The following PRKD1 variants were observed in gnomAD, a reference collection of about 807,000 sequenced individuals.
The protein encoded by PRKD1 is protein kinase D1.
In PRKD1, 63 loss-of-function variants were observed where a neutral mutation model predicts 95.9. The observed-to-expected ratio is 0.66, with a 90% CI of 0.54 to 0.81. The LOEUF (loss-of-function observed/expected upper bound fraction) is 0.81, where lower values mean the gene tolerates loss of function less well. PRKD1 is among the 30% of genes least tolerant of loss of function. The probability of loss-of-function intolerance (pLI) is 0.00; values close to 1 mark genes in which losing one functional copy is unlikely to be tolerated. For synonymous variants in PRKD1, 425 were observed against 423.1 expected, an observed-to-expected ratio of 1.00 and a Z score of -0.05; for missense variants, 1,048 against 1,165.3, an observed-to-expected ratio of 0.90 and a Z score of 1.47.
intron 1 of PRKD1, among the ~76,000 whole-genome samples, chr14:29,835,564 T>C (rs1891581166): frequency 1.3e-5 from 2 of 152,070 alleles, no homozygotes; most frequent in African/African-American, 4.8e-5. Flanking sequence ...ACTCTTTTCT[T>C]TATTTATTTA....
At chr14:29,701,155 T>C (rs2139326953) in intron 2 of PRKD1, among the ~76,000 whole-genome samples, 1 of 152,366 alleles carries the variant, frequency 6.6e-6, no homozygotes, top group Non-Finnish European at 1.5e-5. Context: ...CTTTTCATTT[T>C]GAACTTCCTT....
chr14:29,886,082 C>A (rs1427734291), intron 1 of PRKD1, among the ~76,000 whole-genome samples: 1 of 152,196 alleles, frequency 6.6e-6, no homozygotes, highest in East Asian at 1.9e-4. Flanking sequence ...AGCCCCTTCA[C>A]GTAGCAGTGA....
At position 29,603,899 on chromosome 14, in the gene PRKD1, G is replaced by C. The variant is rs964527730; in HGVS notation, c.1906-4082C>G. Among the ~76,000 whole-genome samples the C allele has an allele frequency of 2.6e-5, 4 of 152,266 alleles. No homozygotes were observed. The South Asian group carries it at 8.3e-4, about 32-fold the overall frequency. On this transcript the variant is annotated intron_variant, in intron 13 of 17. Coordinates refer to ENST00000331968, the MANE Select transcript of PRKD1 (RefSeq NM_002742.3). ...TTCAGGAAATGAAACATTTGGCCAA[G>C]TACAGGAAAAAATAGTGTCCATTCA...
chr14:29,589,909 T>C (rs1423644651), intron 16 of PRKD1, among the ~76,000 whole-genome samples: 1 of 152,172 alleles, frequency 6.6e-6, no homozygotes, highest in Admixed American at 6.5e-5. Context: ...AAAATTTTTC[T>C]TCTAATTATT....
At chr14:29,625,610 G>A (rs549607961) in intron 12 of PRKD1, among the ~76,000 whole-genome samples, 3 of 152,122 alleles carry the variant, frequency 2.0e-5, no homozygotes, top group African/African-American at 7.2e-5. Flanking sequence ...CTATTATACC[G>A]TTACGCATTA....
At chr14:29,895,890 C>G (rs373158287) in intron 1 of PRKD1, among the ~76,000 whole-genome samples, 1 of 152,180 alleles carries the variant, frequency 6.6e-6, no homozygotes, top group Non-Finnish European at 1.5e-5. Flanking sequence ...ACAGCAGTAC[C>G]AGTTTTCCTT....
At chr14:29,597,810 G>T in intron 15 of PRKD1, 52 bp from the exon 16 acceptor site, 2 of 1,537,012 alleles carry the variant, frequency 1.3e-6, no homozygotes, top group East Asian at 4.5e-5. Context: ...GTGTGTCTGT[G>T]TGTCTTAGTT....
chr14:29,625,951 T>C (rs1448570812), intron 12 of PRKD1, among the ~76,000 whole-genome samples: 1 of 151,994 alleles, frequency 6.6e-6, no homozygotes, highest in Non-Finnish European at 1.5e-5. Flanking sequence ...GAATCTAAAA[T>C]AGCAGAAGTT....
At chr14:29,722,497 A>G (rs1429765987) in intron 2 of PRKD1, among the ~76,000 whole-genome samples, 1 of 152,234 alleles carries the variant, frequency 6.6e-6, no homozygotes, top group Non-Finnish European at 1.5e-5. Flanking sequence ...CTGAGGATAT[A>G]TCTAGAAATA....
At chr14:29,670,017 T>A (rs1594412634) in intron 2 of PRKD1, among the ~76,000 whole-genome samples, 1 of 152,234 alleles carries the variant, frequency 6.6e-6, no homozygotes. Flanking sequence ...TATTAGAAAG[T>A]TGTTTTTATT....
chr14:29,740,978 A>G (rs754216500), intron 1 of PRKD1, among the ~76,000 whole-genome samples: 1 of 152,248 alleles, frequency 6.6e-6, no homozygotes, highest in Non-Finnish European at 1.5e-5. Flanking sequence ...GCTGCAGGAC[A>G]TTATCCTTAG....
chr14:29,874,559 A>G (rs914647594), intron 1 of PRKD1, among the ~76,000 whole-genome samples: 8 of 152,240 alleles, frequency 5.3e-5, no homozygotes, highest in Non-Finnish European at 8.8e-5. Context: ...AGCACTATTC[A>G]CAACAGCAAA....
At chr14:29,745,664 A>AG (rs911122380) in intron 1 of PRKD1, among the ~76,000 whole-genome samples, 1 of 151,990 alleles carries the variant, frequency 6.6e-6, no homozygotes, top group African/African-American at 2.4e-5. Flanking sequence ...TTGTAGAGAC[A>AG]GGGGGTCTCA....
At chr14:29,775,717 G>A (rs982965767) in intron 1 of PRKD1, among the ~76,000 whole-genome samples, 1 of 152,128 alleles carries the variant, frequency 6.6e-6, no homozygotes, top group Admixed American at 6.5e-5. Flanking sequence ...CCATCTCTGG[G>A]GGCAGGGCAT....
At chr14:29,699,133 T>G (rs1488644676) in intron 2 of PRKD1, among the ~76,000 whole-genome samples, 5 of 152,220 alleles carry the variant, frequency 3.3e-5, no homozygotes, top group Non-Finnish European at 5.9e-5. Context: ...GTTGCTAATA[T>G]CCTTATAAGA....
chr14:29,923,977 AAC>A (rs1296898428), intron 1 of PRKD1, among the ~76,000 whole-genome samples: 1 of 152,166 alleles, frequency 6.6e-6, no homozygotes, highest in Non-Finnish European at 1.5e-5. Context: ...AGTAGAAAGT[AAC>A]AGTGTTTCAA....
intron 2 of PRKD1, among the ~76,000 whole-genome samples, chr14:29,681,386 GA>G (rs141883984): frequency 0.021 from 3,062 of 147,522 alleles, 103 homozygotes; most frequent in African/African-American, 0.072. Flanking sequence ...GAAGCAAAAG[GA>G]AAAAAAAAAT....
At chr14:29,809,047 C>T (rs2139238090) in intron 1 of PRKD1, among the ~76,000 whole-genome samples, 1 of 152,328 alleles carries the variant, frequency 6.6e-6, no homozygotes, top group Non-Finnish European at 1.5e-5. Flanking sequence ...CCATTAGCAG[C>T]TATGAAAACA....
intron 2 of PRKD1, among the ~76,000 whole-genome samples, chr14:29,699,497 T>C (rs1594439712): frequency 1.3e-5 from 2 of 152,172 alleles, no homozygotes; most frequent in African/African-American, 4.8e-5. Flanking sequence ...AATTTTTCCT[T>C]TGATTAATTT....
Sources: allele counts gnomAD v4.1 joint callset (sites outside exome capture counted in the v4.1 genomes callset), GRCh38; gene constraint gnomAD v4.1.1; transcripts MANE v1.5; gene names NCBI Gene and HGNC (gene_info 2026-07-23, HGNC 2026-07-21).